B3GALT1: variants seen among roughly 807,000 people sequenced by gnomAD.
B3GALT1 encodes beta-1,3-galactosyltransferase 1, also known as UDP-Gal:betaGlcNAc beta 1,3-galactosyltransferase, polypeptide 1.
A neutral mutation model predicts 23.2 loss-of-function variants in B3GALT1; 10 were observed. The observed-to-expected ratio is 0.43, with a 90% confidence interval of 0.27 to 0.73. The LOEUF (loss-of-function observed/expected upper bound fraction) is 0.73. Ranked by LOEUF, B3GALT1 falls within the 30% of genes least tolerant of loss-of-function variation. The pLI, the probability that B3GALT1 is intolerant of heterozygous loss-of-function variation, is 0.21. For missense variants in B3GALT1, 299 were observed against 405.4 expected (o/e 0.74, Z 2.25); for synonymous variants, 156 against 141.5 (o/e 1.10, Z -0.73).
At chr2:167,430,253 C>T (rs368440840) in intron 1 of B3GALT1, among the ~76,000 whole-genome samples, 5 of 152,168 alleles carry the variant, frequency 3.3e-5, no homozygotes, top group East Asian at 3.9e-4. Flanking sequence ...AGGAACCATG[C>T]GGTGACCAGT....
chr2:167,816,962 C>A (rs1490618317), intron 3 of B3GALT1, among the ~76,000 whole-genome samples: 1 of 152,176 alleles, frequency 6.6e-6, no homozygotes, highest in East Asian at 1.9e-4. Context: ...AAAGGATTCC[C>A]AAGTGTTGCA....
chr2:167,614,574 A>C (rs923775584), intron 2 of B3GALT1, among the ~76,000 whole-genome samples: 2 of 151,966 alleles, frequency 1.3e-5, no homozygotes, highest in African/African-American at 2.4e-5. Context: ...GCAGCTAAAA[A>C]CAATCATTTT....
At chr2:167,785,610 G>A (rs752639243) in intron 3 of B3GALT1, among the ~76,000 whole-genome samples, 38 of 152,134 alleles carry the variant, frequency 2.5e-4, no homozygotes, top group Non-Finnish European at 4.6e-4. Context: ...CATGTTATTA[G>A]CAATATTTTA....
chr2:167,419,921 T>G (rs989807842), intron 1 of B3GALT1, among the ~76,000 whole-genome samples: 2 of 152,312 alleles, frequency 1.3e-5, no homozygotes, highest in Non-Finnish European at 2.9e-5. Flanking sequence ...ACTGCTATAA[T>G]GAGAGTAGTT....
rs191829171 is a variant in B3GALT1, at chr2:167,634,680, A to T, written c.-409-12229A>T. ...AGTCAAATCCCTGAATAGACCAATT[A>T]CAAGTTCTGAAATTGGGGCAGCAAT... On this transcript the variant is annotated intron_variant, in intron 2 of 4. Transcript: ENST00000392690. 1.8e-4 allele frequency among the ~76,000 whole-genome samples: 27 copies of T among 152,266 alleles called. 2 individuals are homozygous for T. The highest frequency in any genetic ancestry group is 1.8e-3 in the Admixed American group (27 of 15,296).
intron 2 of B3GALT1, among the ~76,000 whole-genome samples, chr2:167,532,122 C>T (rs1285717192): frequency 1.3e-5 from 2 of 152,070 alleles, no homozygotes; most frequent in African/African-American, 4.8e-5. Context: ...AACATTTTCT[C>T]CTGTTTGTTA....
intron 1 of B3GALT1, among the ~76,000 whole-genome samples, chr2:167,325,702 C>CTTTTTTTTTTTTTTTTTTTTTTTTT (rs61066636): frequency 9.0e-6 from 1 of 110,568 alleles, no homozygotes. Context: ...ACCCTGTTTT[C>CTTTTTTTTTTTTTTTTTTTTTTTTT]TTTTTTTTTT....
At chr2:167,307,376 CAT>C (rs1559061444) in intron 1 of B3GALT1, among the ~76,000 whole-genome samples, 3 of 152,072 alleles carry the variant, frequency 2.0e-5, no homozygotes, top group East Asian at 1.9e-4. Flanking sequence ...GTATTAAACT[CAT>C]AGTTAATTTC....
intron 4 of B3GALT1, among the ~76,000 whole-genome samples, chr2:167,822,358 C>T (rs1097482): frequency 0.26 from 39,050 of 151,922 alleles, 5,440 homozygotes; most frequent in East Asian, 0.56. Context: ...ACTGTGCATC[C>T]TCCCTTTGTT....
At chr2:167,780,639 T>A (rs1313115965) in intron 3 of B3GALT1, among the ~76,000 whole-genome samples, 1 of 152,208 alleles carries the variant, frequency 6.6e-6, no homozygotes, top group Admixed American at 6.5e-5. Context: ...TTTGGATGCA[T>A]CATTGTCCTC....
intron 2 of B3GALT1, among the ~76,000 whole-genome samples, chr2:167,607,822 A>G (rs907200431): frequency 6.6e-6 from 1 of 152,216 alleles, no homozygotes; most frequent in Non-Finnish European, 1.5e-5. Context: ...GCAATGAAAG[A>G]GTGCAATTTT....
intron 1 of B3GALT1, among the ~76,000 whole-genome samples, chr2:167,412,404 A>G (rs558145860): frequency 6.6e-6 from 1 of 152,328 alleles, no homozygotes; most frequent in Admixed American, 6.5e-5. Flanking sequence ...TCACAAATTG[A>G]TAATCAAATG....
intron 2 of B3GALT1, among the ~76,000 whole-genome samples, chr2:167,537,007 C>A (rs1683440723): frequency 6.6e-6 from 1 of 152,126 alleles, no homozygotes; most frequent in African/African-American, 2.4e-5. Flanking sequence ...GGCCAACTAA[C>A]TCTGAAGCCT....
intron 3 of B3GALT1, among the ~76,000 whole-genome samples, chr2:167,683,548 C>G (rs1686570174): frequency 6.6e-6 from 1 of 152,076 alleles, no homozygotes; most frequent in East Asian, 1.9e-4. Context: ...TGACCAAACT[C>G]CATCTCTACA....
At chr2:167,311,815 T>C (rs554686471) in intron 1 of B3GALT1, among the ~76,000 whole-genome samples, 23 of 152,034 alleles carry the variant, frequency 1.5e-4, no homozygotes, top group Non-Finnish European at 2.9e-4. Context: ...CAGGAAGATA[T>C]AGCAGGAAAA....
At chr2:167,454,159 C>G (rs1559102003) in intron 1 of B3GALT1, among the ~76,000 whole-genome samples, 1 of 152,118 alleles carries the variant, frequency 6.6e-6, no homozygotes, top group Non-Finnish European at 1.5e-5. Flanking sequence ...TACAAAAGTG[C>G]AGATGAACCA....
At chr2:167,423,557 A>G (rs1698579594) in intron 1 of B3GALT1, among the ~76,000 whole-genome samples, 3 of 152,146 alleles carry the variant, frequency 2.0e-5, no homozygotes, top group Non-Finnish European at 4.4e-5. Flanking sequence ...CACACAATAC[A>G]TTGTCAGGGA....
chr2:167,418,634 T>C lies in B3GALT1; in HGVS notation c.-510-71543T>C, dbSNP rs150543651. 3.1e-3 allele frequency among the ~76,000 whole-genome samples: 477 copies of C among 152,208 alleles called. 3 individuals are homozygous for C. The highest frequency in any genetic ancestry group is 0.011 in the African/African-American group (446 of 41,546). On this transcript the variant is annotated intron_variant, in intron 1 of 4. Coordinates refer to ENST00000392690, the MANE Select transcript of B3GALT1 (RefSeq NM_020981.4). ...ACAGGACTCTGATTTTATCAAAGGC[T>C]GTGGCTGAAGCCACTTTCCCAATTT...
intron 3 of B3GALT1, among the ~76,000 whole-genome samples, chr2:167,804,151 A>G (rs972483468): frequency 6.6e-6 from 1 of 151,878 alleles, no homozygotes; most frequent in Non-Finnish European, 1.5e-5. Flanking sequence ...CACCACGTCC[A>G]GCTGATTTTT....
Sources: allele counts gnomAD v4.1 joint callset (sites outside exome capture counted in the v4.1 genomes callset), GRCh38; gene constraint gnomAD v4.1.1; transcripts MANE v1.5; gene names NCBI Gene and HGNC (gene_info 2026-07-23, HGNC 2026-07-21).